RNLS: variants seen among roughly 807,000 people sequenced by gnomAD.
The protein encoded by RNLS is renalase.
In RNLS, 39 loss-of-function variants were observed where a neutral mutation model predicts 39.8. That is an observed-to-expected ratio of 0.98 (90% CI 0.76 to 1.28). The LOEUF is 1.28. RNLS is among the 50% of genes most tolerant of loss of function. RNLS has a pLI of 0.00. For synonymous variants in RNLS, 147 were observed against 150.7 expected (o/e 0.98, Z 0.18); for missense variants, 410 against 413.3 (o/e 0.99, Z 0.07).
chr10:88,450,731 T>A (rs567868858), intron 4 of RNLS, among the ~76,000 whole-genome samples: 5 of 152,336 alleles, frequency 3.3e-5, no homozygotes, highest in African/African-American at 1.2e-4. Flanking sequence ...TAACTGACCC[T>A]GGAAATGACT....
intron 4 of RNLS, among the ~76,000 whole-genome samples, chr10:88,415,910 GTGACTGATC>G (rs1719750057): frequency 6.6e-6 from 1 of 152,194 alleles, no homozygotes; most frequent in Non-Finnish European, 1.5e-5. Flanking sequence ...TCTCCTCCCT[GTGACTGATC>G]TGACTTCTGA....
chr10:88,512,800 T>C (rs1171358235), intron 4 of RNLS, among the ~76,000 whole-genome samples: 1 of 152,158 alleles, frequency 6.6e-6, no homozygotes. Context: ...GACTTCTCTG[T>C]CTGGAATGCC....
At chr10:88,386,494 G>A (rs1454944393) in intron 4 of RNLS, among the ~76,000 whole-genome samples, 1 of 152,158 alleles carries the variant, frequency 6.6e-6, no homozygotes, top group Non-Finnish European at 1.5e-5. Flanking sequence ...TACTGTTTCA[G>A]TTTTTAAGTA....
At chr10:88,396,253 A>G (rs1337272068) in intron 4 of RNLS, among the ~76,000 whole-genome samples, 4 of 152,088 alleles carry the variant, frequency 2.6e-5, no homozygotes, top group Non-Finnish European at 5.9e-5. Flanking sequence ...AACTTTAGAA[A>G]GTAATAATTA....
the RNLS span, among the ~76,000 whole-genome samples, chr10:88,256,851 C>T: frequency 2.0e-5 from 3 of 152,150 alleles, no homozygotes; most frequent in Admixed American, 2.0e-4. Context: ...GCCATTCACC[C>T]TCCCTCACTC....
Position 88,535,801 on chromosome 10 carries a change from C to A in RNLS, c.526+37102G>T, listed in dbSNP as rs550832056. Among the ~76,000 whole-genome samples, 153 of 152,100 alleles carry A rather than the reference C, an allele frequency of 1.0e-3. 4 individuals carry two copies. In the South Asian group the frequency reaches 0.028, roughly 28 times the overall value. Reference sequence around the variant, plus strand: ...TAACTCAAGTCAAGAGGAACCACAGCTAGGATTCTAGGGAAGGTTGAAAGT... The same window carrying A: ...TAACTCAAGTCAAGAGGAACCACAGATAGGATTCTAGGGAAGGTTGAAAGT... On this transcript the variant is annotated intron_variant, in intron 4 of 6. Transcript: ENST00000331772.
the RNLS span, among the ~76,000 whole-genome samples, chr10:88,182,954 T>C: frequency 6.6e-6 from 1 of 152,152 alleles, no homozygotes; most frequent in South Asian, 2.1e-4. Context: ...CACTTACCAG[T>C]TGTGTTTTTT....
intron 4 of RNLS, among the ~76,000 whole-genome samples, chr10:88,478,762 T>C (rs1001860193): frequency 6.6e-6 from 1 of 152,236 alleles, no homozygotes; most frequent in Non-Finnish European, 1.5e-5. Flanking sequence ...TTAAGGATAC[T>C]GAAGCTACTT....
chr10:88,297,814 T>C (rs2132932710), intron 6 of RNLS, among the ~76,000 whole-genome samples: 1 of 152,336 alleles, frequency 6.6e-6, no homozygotes, highest in Admixed American at 6.5e-5. Flanking sequence ...GCAGTTTTGT[T>C]TGAACACATG....
intron 4 of RNLS, among the ~76,000 whole-genome samples, chr10:88,511,195 T>G (rs573555572): frequency 1.1e-4 from 17 of 152,214 alleles, no homozygotes; most frequent in Admixed American, 3.3e-4. Flanking sequence ...ACAGCTGCAC[T>G]GAGAAACTCA....
intron 6 of RNLS, among the ~76,000 whole-genome samples, chr10:88,302,003 T>C (rs1173345026): frequency 2.0e-5 from 3 of 152,224 alleles, no homozygotes; most frequent in Non-Finnish European, 4.4e-5. Context: ...TTACTACTAC[T>C]GGTAATATTA....
At position 88,488,976 on chromosome 10, in the gene RNLS, A is replaced by C. The variant is rs569167738; in HGVS notation, c.526+83927T>G. On this transcript the variant is annotated intron_variant, in intron 4 of 6. Transcript: ENST00000331772. ...TGCAATATGCTTTTCAGGACAGACA[A>C]GTGATTAAAGAGAGGATCATTATCT... 9.8e-5 allele frequency among the ~76,000 whole-genome samples: 15 copies of C among 152,330 alleles called. No individual in the cohort carries two copies. The East Asian group carries it at 2.9e-3, about 29-fold the overall frequency.
intron 4 of RNLS, among the ~76,000 whole-genome samples, chr10:88,441,527 A>G (rs753345672): frequency 6.6e-6 from 1 of 152,168 alleles, no homozygotes; most frequent in African/African-American, 2.4e-5. Flanking sequence ...CTCTATACAG[A>G]GTAGGTAAAT....
intron 4 of RNLS, among the ~76,000 whole-genome samples, chr10:88,477,736 G>A (rs1234622288): frequency 6.6e-6 from 1 of 152,184 alleles, no homozygotes; most frequent in Admixed American, 6.5e-5. Context: ...CCTATGAGGT[G>A]GGTGCTATCA....
intron 4 of RNLS, among the ~76,000 whole-genome samples, chr10:88,441,951 T>C (rs998489931): frequency 2.0e-5 from 3 of 152,168 alleles, no homozygotes; most frequent in Non-Finnish European, 2.9e-5. Flanking sequence ...AATAGTTTCT[T>C]TGAGGCAGAG....
At chr10:88,448,472 A>C (rs969871147) in intron 4 of RNLS, among the ~76,000 whole-genome samples, 1 of 152,188 alleles carries the variant, frequency 6.6e-6, no homozygotes, top group African/African-American at 2.4e-5. Flanking sequence ...ACCAGTTAGA[A>C]TGGCGATCAT....
chr10:88,515,952 TTGAC>T (rs1846383249), intron 4 of RNLS, among the ~76,000 whole-genome samples: 1 of 151,930 alleles, frequency 6.6e-6, no homozygotes, highest in African/African-American at 2.4e-5. Flanking sequence ...CTAATCCAAT[TTGAC>T]TGGTGTCCTT....
chr10:88,557,078 A>T (rs1327778163), intron 4 of RNLS, among the ~76,000 whole-genome samples: 1 of 152,178 alleles, frequency 6.6e-6, no homozygotes, highest in Non-Finnish European at 1.5e-5. Flanking sequence ...TTGACATCTT[A>T]ATAAAAGATG....
intron 4 of RNLS, among the ~76,000 whole-genome samples, chr10:88,371,493 A>AT (rs1160428160): frequency 3.3e-5 from 5 of 152,176 alleles, no homozygotes; most frequent in African/African-American, 1.2e-4. Flanking sequence ...TGTCAAAAGT[A>AT]TTTCGGGCAA....
Sources: allele counts gnomAD v4.1 joint callset (sites outside exome capture counted in the v4.1 genomes callset), GRCh38; gene constraint gnomAD v4.1.1; transcripts MANE v1.5; gene names NCBI Gene and HGNC (gene_info 2026-07-23, HGNC 2026-07-21).